Variants in NLRP8 observed in about 807,000 individuals in gnomAD.
NLRP8 encodes the protein NACHT, LRR and PYD domains-containing protein 8.
A neutral mutation model predicts 88.7 loss-of-function variants in NLRP8; 86 were observed. That is an observed-to-expected ratio of 0.97 (90% CI 0.81 to 1.16). The LOEUF (loss-of-function observed/expected upper bound fraction) is 1.16. Ranked by LOEUF, NLRP8 falls within the 50% of genes most tolerant of loss-of-function variation. The pLI, the probability that NLRP8 is intolerant of heterozygous loss-of-function variation, is 0.00. For synonymous variants in NLRP8, 504 were observed against 494.6 expected (o/e 1.02, Z -0.25); for missense variants, 1,342 against 1,286.5 (o/e 1.04, Z -0.66).
At chr19:55,951,037 C>G (rs1053655362) in intron 1 of NLRP8, among the ~76,000 whole-genome samples, 1 of 152,100 alleles carries the variant, frequency 6.6e-6, no homozygotes, top group African/African-American at 2.4e-5. Flanking sequence ...GAGATCACAC[C>G]ACTGCACTCC....
chr19:55,962,063 G>A lies in NLRP8; in HGVS notation c.2043-4G>A. 2 of 1,613,094 alleles carry A rather than the reference G, an allele frequency of 1.2e-6. No individual in the cohort carries two copies. Among genetic ancestry groups the A allele is most frequent in the Non-Finnish European group, 1.7e-6 (2 of 1,179,646 alleles). On this transcript the variant is annotated splice_polypyrimidine_tract_variant and splice_region_variant and intron_variant, in intron 3 of 9. Coordinates refer to ENST00000291971, the MANE Select transcript of NLRP8 (RefSeq NM_176811.2). ...GTGTTTTCTCTCTTCTCCCTTCCATGTAGAGCGCCAGAGAGCAATGGGCTG... is the reference window on the plus strand; with the variant it reads ...GTGTTTTCTCTCTTCTCCCTTCCATATAGAGCGCCAGAGAGCAATGGGCTG...
At chr19:55,974,137 A>G (rs1473550158) in intron 7 of NLRP8, among the ~76,000 whole-genome samples, 1 of 150,088 alleles carries the variant, frequency 6.7e-6, no homozygotes, top group Non-Finnish European at 1.5e-5. Context: ...GACTACCTCG[A>G]GGTGTAAGAA....
chr19:55,957,676 TATATATATATATATATATATATATA>T (rs1979428933), intron 3 of NLRP8, among the ~76,000 whole-genome samples: 1 of 2,100 alleles, frequency 4.8e-4, no homozygotes. Flanking sequence ...ATAATAATTA[TATATATATATATATATATATATATA>T]TATATATATA....
intron 2 of NLRP8, among the ~76,000 whole-genome samples, chr19:55,953,739 C>T (rs1385778111): frequency 1.3e-5 from 2 of 149,064 alleles, no homozygotes; most frequent in Non-Finnish European, 3.0e-5. Context: ...ACCTCGTGCC[C>T]GCCTCGGCCT....
chr19:55,968,599 T>C (rs1359668265), intron 5 of NLRP8, among the ~76,000 whole-genome samples: 1 of 147,408 alleles, frequency 6.8e-6, no homozygotes, highest in Non-Finnish European at 1.5e-5. Context: ...AATTAGCCAG[T>C]TGTGGTGGCT....
At chr19:55,966,412 C>T (rs1316735604) in intron 5 of NLRP8, 32 bp downstream of exon 5, 7 of 1,603,692 alleles carry the variant, frequency 4.4e-6, no homozygotes, top group African/African-American at 1.3e-5. Flanking sequence ...AGAGTGGGAA[C>T]CGGGGTACCC....
chr19:55,987,709 G>A (rs1980914087), intron 9 of NLRP8: 2 of 768,950 alleles, frequency 2.6e-6, no homozygotes, highest in Admixed American at 3.9e-5. Context: ...GAGGTGGGAG[G>A]GGTACGGTCT....
chr19:55,981,228 ATT>A (rs5828662), intron 9 of NLRP8, among the ~76,000 whole-genome samples, 70 bp downstream of exon 10: 28 of 148,742 alleles, frequency 1.9e-4, no homozygotes, highest in South Asian at 4.3e-4. Flanking sequence ...CCCTCTGGGT[ATT>A]TTTTTTTTTT....
chr19:55,972,602 C>T (rs1226108548), intron 6 of NLRP8, among the ~76,000 whole-genome samples: 1 of 151,858 alleles, frequency 6.6e-6, no homozygotes. Flanking sequence ...CCCCCAAGTC[C>T]CCAAAGTCCA....
chr19:55,973,854 C>T (rs768269977), intron 7 of NLRP8, 32 bp downstream of exon 7: 1 of 1,593,578 alleles, frequency 6.3e-7, no homozygotes, highest in Admixed American at 1.7e-5. Context: ...TCTCTGAATT[C>T]CCTGGAGCAG....
chr19:55,973,503 C>T (rs1302318715), intron 6 of NLRP8, 149 bp from the exon 7 acceptor site: 3 of 615,090 alleles, frequency 4.9e-6, no homozygotes, highest in Non-Finnish European at 8.0e-6. Context: ...GCTGTCCTTT[C>T]CTTGAAAGCT....
At chr19:55,982,424 G>A (rs1309155997) in intron 9 of NLRP8, among the ~76,000 whole-genome samples, 3 of 152,116 alleles carry the variant, frequency 2.0e-5, no homozygotes, top group Non-Finnish European at 4.4e-5. Context: ...AAGAAAATGT[G>A]GTACTTACGC....
chr19:55,968,363 C>A (rs540917478), intron 5 of NLRP8, among the ~76,000 whole-genome samples: 1 of 151,986 alleles, frequency 6.6e-6, no homozygotes, highest in Non-Finnish European at 1.5e-5. Flanking sequence ...TGCTTGAACC[C>A]GGGAGGCGGA....
At chr19:55,986,110 A>T (rs982542054) in intron 9 of NLRP8, among the ~76,000 whole-genome samples, 14 of 152,314 alleles carry the variant, frequency 9.2e-5, no homozygotes, top group African/African-American at 3.4e-4. Context: ...ATAAGTATTC[A>T]AGGCAATGGA....
At chr19:55,960,341 T>C (rs1161736409) in intron 3 of NLRP8, among the ~76,000 whole-genome samples, 1 of 152,164 alleles carries the variant, frequency 6.6e-6, no homozygotes, top group African/African-American at 2.4e-5. Flanking sequence ...GTTTTTTTCA[T>C]GTCTACTCCC....
intron 6 of NLRP8, 28 bp from the exon 7 acceptor site, chr19:55,973,624 C>A: frequency 1.3e-6 from 2 of 1,561,722 alleles, no homozygotes; most frequent in South Asian, 1.2e-5. Context: ...CCTCTCCATT[C>A]AGTCATCTGT....
rs1978925178 is a variant in NLRP8, at chr19:55,948,046, G to T, written c.144G>T (p.Val48=). Residue 48 remains valine, a synonymous_variant, in exon 1 of 10, where the codon GTG becomes GTT. Transcript: ENST00000291971. ...GGGTCATGCTGTACATGAGAAACGTGAGCCATGAGGAGCTACAACGGTTCA... is the reference window on the plus strand; with the variant it reads ...GGGTCATGCTGTACATGAGAAACGTTAGCCATGAGGAGCTACAACGGTTCA... The T allele has an allele frequency of 6.2e-7, 1 of 1,614,090 alleles. No individual in the cohort carries two copies. Among genetic ancestry groups the T allele is most frequent in the Non-Finnish European group, 8.5e-7 (1 of 1,180,022 alleles).
Position 55,955,953 on chromosome 19 carries a change from T to C in NLRP8, c.1895T>C (p.Val632Ala). The change falls in exon 3 of 10, where the codon GTT becomes GCT. Residue 632 changes from valine (V) to alanine (A), a missense_variant. Physicochemically the swap from Val to Ala is moderately conservative, Grantham distance 64. Transcript: ENST00000291971. ...CAAGCCCTAAATGATTATCATAAAG[T>C]TGTCTTGAGAATTGGCAACAACAAA... is the stretch of plus-strand genomic sequence containing the variant. 6.2e-7 allele frequency: 1 copy of C among 1,614,062 alleles called. No individual in the cohort carries two copies. Among genetic ancestry groups the C allele is most frequent in the South Asian group, 1.1e-5 (1 of 91,084 alleles).
intron 2 of NLRP8, among the ~76,000 whole-genome samples, chr19:55,953,699 C>A (rs1483416682): frequency 1.3e-5 from 2 of 151,276 alleles, no homozygotes; most frequent in African/African-American, 4.9e-5. Flanking sequence ...GGGGTTTCAC[C>A]ATGTTAGCCA....
Sources: allele counts gnomAD v4.1 joint callset (sites outside exome capture counted in the v4.1 genomes callset), GRCh38; gene constraint gnomAD v4.1.1; transcripts MANE v1.5; gene names NCBI Gene and HGNC (gene_info 2026-07-23, HGNC 2026-07-21).